HMGXB4: variants seen among roughly 807,000 people sequenced by gnomAD.
HMGXB4 encodes HMG domain-containing protein 4.
Under a neutral mutation model 63.9 loss-of-function variants are expected in HMGXB4, and 27 were observed. The ratio of observed to expected loss-of-function variants is 0.42; its 90% CI spans 0.31 to 0.58. The LOEUF (loss-of-function observed/expected upper bound fraction) is 0.58, where lower values mean the gene tolerates loss of function less well. Among genes scored for constraint, HMGXB4 ranks in the 20% least tolerant of loss-of-function variants. The pLI is 0.13. For synonymous variants in HMGXB4, 264 were observed against 265.3 expected, an observed-to-expected ratio of 0.99 and a Z score of 0.05; for missense variants, 624 against 700.7, an observed-to-expected ratio of 0.89 and a Z score of 1.24.
At chr22:35,280,879 CT>C (rs1924202528) in intron 5 of HMGXB4, among the ~76,000 whole-genome samples, 1 of 152,190 alleles carries the variant, frequency 6.6e-6, no homozygotes, top group Admixed American at 6.5e-5. Context: ...CTCCAGAAGG[CT>C]TTCTTTGACT....
the HMGXB4 span, among the ~76,000 whole-genome samples, chr22:35,247,725 C>CT: frequency 4.0e-5 from 6 of 151,178 alleles, no homozygotes; most frequent in African/African-American, 1.2e-4. Context: ...CCATTTTAGA[C>CT]TTTTTTTTGC....
At chr22:35,253,716 A>G (rs1922286091), upstream of HMGXB4, among the ~76,000 whole-genome samples, 2 of 152,168 alleles carry the variant, frequency 1.3e-5, no homozygotes, top group Non-Finnish European at 2.9e-5. Flanking sequence ...TGTGGCCATG[A>G]TTCCAGGCCC....
the HMGXB4 span, among the ~76,000 whole-genome samples, chr22:35,244,651 C>A: frequency 6.6e-6 from 1 of 152,188 alleles, no homozygotes; most frequent in Non-Finnish European, 1.5e-5. Flanking sequence ...CCTTTCCCAG[C>A]ATTCCACAGG....
intron 5 of HMGXB4, among the ~76,000 whole-genome samples, chr22:35,270,996 C>T (rs1321262792): frequency 6.6e-6 from 1 of 152,030 alleles, no homozygotes; most frequent in Non-Finnish European, 1.5e-5. Context: ...GGCGCAATGG[C>T]ATGCACCTGT....
intron 1 of HMGXB4, among the ~76,000 whole-genome samples, chr22:35,261,509 A>G (rs371256362): frequency 1.1e-4 from 17 of 152,176 alleles, no homozygotes; most frequent in African/African-American, 3.9e-4. Flanking sequence ...CAAAATGGAC[A>G]TATAAACTCA....
upstream of HMGXB4, among the ~76,000 whole-genome samples, chr22:35,253,132 C>CAAAAAAAAAAAAAAAAAAAAAA (rs554912249): frequency 4.1e-5 from 4 of 96,546 alleles, no homozygotes; most frequent in Non-Finnish European, 5.7e-5. Context: ...AACTCCATCT[C>CAAAAAAAAAAAAAAAAAAAAAA]AAAAAAAAAA....
At chr22:35,290,291 A>G (rs991991184) in intron 9 of HMGXB4, among the ~76,000 whole-genome samples, 2 of 152,218 alleles carry the variant, frequency 1.3e-5, no homozygotes, top group Admixed American at 6.5e-5. Flanking sequence ...GATTTTTAAT[A>G]TATTCACAGA....
chr22:35,288,193 G>A (rs781078383), intron 8 of HMGXB4, 45 bp from the exon 9 acceptor site: 2 of 1,390,440 alleles, frequency 1.4e-6, no homozygotes, highest in Non-Finnish European at 1.9e-6. Context: ...GTTGTTCAAG[G>A]CTGTAGGCAA....
rs1275011955 is a variant in HMGXB4, at chr22:35,265,451, G to A, written c.1063G>A (p.Glu355Lys). The change falls in exon 5 of 11, where the codon GAG (glutamate) becomes AAG (lysine). Residue 355 changes from glutamate to lysine, a missense_variant. Glu to Lys is a moderately conservative substitution (Grantham distance 56). Around this residue, in one of 2 missense-constraint regions of HMGXB4, gnomAD observed 472 missense variants for 470.6 expected, o/e 1.00. Transcript: ENST00000216106. ...AGGACTTTCTGCCGTGCCAGTGGGA[G>A]AGGTCACAGTGACATCTGGCCCTCC... ...SLGLSAVPVG[E>K]VTVTSGPPPS... The A allele has an allele frequency of 1.2e-6, 2 of 1,614,126 alleles. No homozygotes were observed. The highest frequency in any genetic ancestry group is 1.7e-6 in the Non-Finnish European group (2 of 1,180,034).
intron 7 of HMGXB4, 31 bp from the exon 8 acceptor site, chr22:35,287,311 CTTAAT>C (rs758340375): frequency 2.7e-5 from 41 of 1,492,708 alleles, no homozygotes; most frequent in Middle Eastern, 3.4e-4. Context: ...TTTTGTCCTT[CTTAAT>C]TTAATTTAAT....
intron 1 of HMGXB4, among the ~76,000 whole-genome samples, chr22:35,259,553 T>G (rs1175497637): frequency 9.4e-6 from 1 of 106,114 alleles, no homozygotes; most frequent in Admixed American, 9.9e-5. Context: ...CATCTGATCT[T>G]ATATAAATGT....
chr22:35,283,794 A>AAC (rs1555888791), intron 5 of HMGXB4, among the ~76,000 whole-genome samples, 168 bp from the exon 6 acceptor site: 2 of 150,066 alleles, frequency 1.3e-5, no homozygotes, highest in East Asian at 3.9e-4. Flanking sequence ...TATCTCAAAA[A>AAC]ATATATATAT....
In HMGXB4 at chr22:35,294,547, T is replaced by G. The variant is rs1458173450; in HGVS notation, c.*896T>G. The G allele has an allele frequency of 6.6e-6, 1 of 152,640 alleles. No homozygotes were observed. Among genetic ancestry groups the G allele is most frequent in the African/African-American group, 2.4e-5 (1 of 41,454 alleles). The allele number at this position is 152,640 out of a possible 1,614,324, so 9.5% of individuals were successfully genotyped here. A position where few individuals can be genotyped will look rare whatever the true frequency, so the allele number is the denominator to read the frequency against. On this transcript the variant is annotated 3_prime_UTR_variant, in exon 11 of 11. Coordinates refer to ENST00000216106, the MANE Select transcript of HMGXB4 (RefSeq NM_001003681.3). ...TTTGGGTTCATCTTATCAGTTCCCC[T>G]GGTGGGCAGATACACAGTGTTCTGC...
intron 5 of HMGXB4, among the ~76,000 whole-genome samples, chr22:35,278,270 G>A (rs1226128021): frequency 6.6e-6 from 1 of 152,056 alleles, no homozygotes; most frequent in African/African-American, 2.4e-5. Flanking sequence ...AGACGTCTTG[G>A]TTGCTGTCAA....
chr22:35,265,097 C>G lies in HMGXB4; in HGVS notation c.709C>G (p.Leu237Val). ...TCGGGATGAGCAGGGTGCTTTACTC[C>G]TAGGACATGAGTTACAGAGCTTTCT... The part of the protein sequence containing the change: ...SARDEQGALL[L>V]GHELQSFLKT... The change falls in exon 5 of 11, where the codon CTA becomes GTA. Residue 237 changes from leucine to valine, a missense_variant. Around this residue, in one of 2 missense-constraint regions of HMGXB4, gnomAD observed 472 missense variants for 470.6 expected, o/e 1.00. Coordinates refer to ENST00000216106, the MANE Select transcript of HMGXB4 (RefSeq NM_001003681.3). The G allele has an allele frequency of 6.2e-7, 1 of 1,614,094 alleles. No individual in the cohort carries two copies. The highest frequency in any genetic ancestry group is 8.5e-7 in the Non-Finnish European group (1 of 1,180,018).
At chr22:35,290,669 T>C (rs536592535) in intron 9 of HMGXB4, among the ~76,000 whole-genome samples, 25 of 149,502 alleles carry the variant, frequency 1.7e-4, no homozygotes, top group African/African-American at 6.2e-4. Flanking sequence ...CCTGTACCCA[T>C]TGGCAGTTAT....
At chr22:35,249,859 A>AG in the HMGXB4 span, 1 of 99,142 alleles carries the variant, frequency 1.0e-5, no homozygotes, top group Non-Finnish European at 2.8e-5. Flanking sequence ...AGAAAAAAAA[A>AG]TATTTTAATG....
intron 5 of HMGXB4, among the ~76,000 whole-genome samples, chr22:35,281,474 A>G (rs181028721): frequency 5.2e-4 from 79 of 152,306 alleles, no homozygotes; most frequent in African/African-American, 1.8e-3. Context: ...GTGAATTTGG[A>G]TCTATAGTAT....
chr22:35,275,332 C>G lies in HMGXB4; in HGVS notation c.1216-8630C>G, dbSNP rs541049328. On this transcript the variant is annotated intron_variant, in intron 5 of 10. Coordinates refer to ENST00000216106, the MANE Select transcript of HMGXB4 (RefSeq NM_001003681.3). ...ACAGGGTTTCACCACCTTGGCCAGG[C>G]TGGTCTTGAACCCCTAACCTCAGGT... Among the ~76,000 whole-genome samples the G allele has an allele frequency of 8.5e-5, 13 of 152,146 alleles. No individual in the cohort carries two copies. In the South Asian group the frequency reaches 2.7e-3, roughly 32 times the overall value.
Sources: allele counts gnomAD v4.1 joint callset (sites outside exome capture counted in the v4.1 genomes callset), GRCh38; gene constraint gnomAD v4.1.1; regional missense constraint gnomAD v4.1.1; transcripts MANE v1.5; gene names NCBI Gene and HGNC (gene_info 2026-07-23, HGNC 2026-07-21).